The following AMER1 variants were observed in gnomAD, a reference collection of about 807,000 sequenced individuals.
The protein encoded by AMER1 is APC membrane recruitment protein 1, also known as RP11-403E24.2.
In AMER1, 16 loss-of-function variants were observed where a neutral mutation model predicts 53.0. The ratio of observed to expected loss-of-function variants is 0.30; its 90% CI spans 0.20 to 0.46. The LOEUF (loss-of-function observed/expected upper bound fraction) is 0.46. Among genes scored for constraint, AMER1 ranks in the 20% least tolerant of loss-of-function variants. The pLI is 1.00. For synonymous variants in AMER1, 354 were observed against 331.9 expected (o/e 1.07, Z -0.73); for missense variants, 947 against 884.9 (o/e 1.07, Z -0.89).
chrX:64,195,770 C>T (rs963101050), intron 1 of AMER1, among the ~76,000 whole-genome samples: 8 of 112,397 alleles, frequency 7.1e-5, no homozygotes, highest in East Asian at 5.6e-4. Context: ...GGTTGGGAAC[C>T]GCTGCCTTAA....
At chrX:64,203,697 A>G (rs1234862719) in intron 1 of AMER1, among the ~76,000 whole-genome samples, 1 of 111,677 alleles carries the variant, frequency 9.0e-6, no homozygotes, top group Non-Finnish European at 1.9e-5. Flanking sequence ...CTGAGGTTTG[A>G]GAAGGAAGAA....
In AMER1 at chrX:64,190,732, T is replaced by A. The variant is rs2147085816; in HGVS notation, c.2555A>T (p.Asn852Ile). 1 of 1,207,157 alleles carries A rather than the reference T, an allele frequency of 8.3e-7. No individual in the cohort carries two copies. The highest frequency in any genetic ancestry group is 1.8e-5 in the South Asian group (1 of 56,043). Residue 852 changes from asparagine (N) to isoleucine (I), a missense_variant, in exon 2 of 2, where the codon AAC becomes ATC. Coordinates refer to ENST00000374869, the MANE Select transcript of AMER1 (RefSeq NM_152424.4). ...ELGYYHKHAF[N>I]NYHSRFYQGL... ...TTGGTAGAATCGACTATGGTAGTTG[T>A]TGAAGGCATGTTTGTGATAGTAGCC...
rs2147083778 is a variant in AMER1, at chrX:64,189,871, G to A, written c.*8C>T. 9.7e-7 allele frequency: 1 copy of A among 1,026,360 alleles called. No homozygotes were observed. Among genetic ancestry groups the A allele is most frequent in the Non-Finnish European group, 1.3e-6 (1 of 786,253 alleles). 84.6% of individuals were successfully genotyped at this position (1,026,360 alleles called of 1,213,427 possible). A position where few individuals can be genotyped will look rare whatever the true frequency, so the allele number is the denominator to read the frequency against. Reference sequence around the variant, plus strand: ...GGCCCCGTGTCCCTACTCCAGAATTGATAATAACTACTTGGCTAGGTTTCC... The same window carrying A: ...GGCCCCGTGTCCCTACTCCAGAATTAATAATAACTACTTGGCTAGGTTTCC... On this transcript the variant is annotated 3_prime_UTR_variant, in exon 2 of 2. Transcript: ENST00000374869.
Position 64,188,847 on chromosome X carries a change from C to A in AMER1, c.*1032G>T. On this transcript the variant is annotated 3_prime_UTR_variant, in exon 2 of 2. Transcript: ENST00000374869. ...GTCAAGCCTAATTTAGGTTGCTTCT[C>A]TTCCCTTATCTCAATTAAAAGACCG... 1.2e-6 allele frequency: 1 copy of A among 807,157 alleles called. No homozygotes were observed. The highest frequency in any genetic ancestry group is 2.2e-5 in the African/African-American group (1 of 46,333). 66.5% of individuals were successfully genotyped at this position (807,157 alleles called of 1,213,427 possible).
In AMER1 at chrX:64,188,809, C is replaced by T; in HGVS notation, c.*1070G>A. The stretch of plus-strand genomic sequence containing the variant: ...TCTTTCCCCTACACTCCACAAAAAC[C>T]CCAGCCCCTATAGTCAAGCCTAATT... On this transcript the variant is annotated 3_prime_UTR_variant, in exon 2 of 2. Coordinates refer to ENST00000374869, the MANE Select transcript of AMER1 (RefSeq NM_152424.4). 1.2e-6 allele frequency: 1 copy of T among 805,942 alleles called. No individual in the cohort carries two copies. The highest frequency in any genetic ancestry group is 1.5e-6 in the Non-Finnish European group (1 of 671,101). The allele number at this position is 805,942 out of a possible 1,213,427, so 66.4% of individuals were successfully genotyped here.
At position 64,186,976 on chromosome X, in the gene AMER1, A is replaced by G. The variant is rs943012104; in HGVS notation, c.*2903T>C. 1 of 774,442 alleles carries G rather than the reference A, an allele frequency of 1.3e-6. No homozygotes were observed. Among genetic ancestry groups the G allele is most frequent in the Non-Finnish European group, 1.5e-6 (1 of 651,708 alleles). 63.8% of individuals were successfully genotyped at this position (774,442 alleles called of 1,213,427 possible). A position where few individuals can be genotyped will look rare whatever the true frequency, so the allele number is the denominator to read the frequency against. On this transcript the variant is annotated 3_prime_UTR_variant, in exon 2 of 2. Transcript: ENST00000374869. ...TCCACTAAGTCCCATTTTCCCTTAA[A>G]ATCACATCCAAAAGCATTATTCCAG...
intron 1 of AMER1, 47 bp from the exon 2 acceptor site, chrX:64,193,431 G>C (rs1930302588): frequency 1.1e-6 from 1 of 908,049 alleles, no homozygotes; most frequent in Non-Finnish European, 1.5e-6. Context: ...ATACTAGTGA[G>C]CAAGCATCCA....
rs767328843 is a variant in AMER1 at position 64,195,744 on chromosome X, T to A, written c.-98-2360A>T. Among the ~76,000 whole-genome samples the A allele has an allele frequency of 7.1e-5, 8 of 112,616 alleles. No homozygotes were observed. The South Asian group carries it at 3.0e-3, about 42-fold the overall frequency. The stretch of plus-strand genomic sequence containing the variant: ...GAAAAATTGTCTTCCATGAAACAGG[T>A]CCCTGGTTCCAAAAAGGTTGGGAAC... On this transcript the variant is annotated intron_variant, in intron 1 of 1. Transcript: ENST00000374869.
At chrX:64,203,805 G>A (rs916873334) in intron 1 of AMER1, among the ~76,000 whole-genome samples, 7 of 111,776 alleles carry the variant, frequency 6.3e-5, no homozygotes, top group Admixed American at 4.7e-4. Flanking sequence ...CAAGGCAGAG[G>A]GCAGGTCCAG....
At position 64,191,898 on chromosome X, in the gene AMER1, G is replaced by A. The variant is rs750657758; in HGVS notation, c.1389C>T (p.Ser463=). Residue 463 remains serine (S), a synonymous_variant, in exon 2 of 2, where the codon TCC becomes TCT. Coordinates refer to ENST00000374869, the MANE Select transcript of AMER1 (RefSeq NM_152424.4). ...AATAACCTTCATCACTATTGGGGGC[G>A]GATTCTTGCTGGTCACTCTGAGGAG... The part of the protein sequence containing the change: ...LLTPQSDQQE[S]APNSDEGYYD... 4.1e-6 allele frequency: 5 copies of A among 1,209,701 alleles called. No individual in the cohort carries two copies. Among genetic ancestry groups the A allele is most frequent in the South Asian group, 1.8e-5 (1 of 56,698 alleles).
intron 1 of AMER1, among the ~76,000 whole-genome samples, chrX:64,195,940 C>G (rs1285554823): frequency 1.8e-5 from 2 of 112,567 alleles, no homozygotes; most frequent in Admixed American, 1.9e-4. Context: ...ACTCTAGGAC[C>G]TACACATCCT....
At chrX:64,201,174 A>G in intron 1 of AMER1, among the ~76,000 whole-genome samples, 1 of 111,073 alleles carries the variant, frequency 9.0e-6, no homozygotes, top group Admixed American at 9.6e-5. Context: ...CCCTAATTCC[A>G]AAAGGGGAGG....
chrX:64,197,754 C>T (rs1422209491), intron 1 of AMER1, among the ~76,000 whole-genome samples: 6 of 112,136 alleles, frequency 5.4e-5, no homozygotes, highest in Non-Finnish European at 9.4e-5. Context: ...GCCATTTCAG[C>T]GCTGGAATCA....
Position 64,186,008 on chromosome X carries a change from A to G in AMER1, c.*3871T>C. ...TTTCAAAACTAAAGCACAAAACATA[A>G]CGAGGAAAAAAAATAAGACACATGA... On this transcript the variant is annotated 3_prime_UTR_variant, in exon 2 of 2. Coordinates refer to ENST00000374869, the MANE Select transcript of AMER1 (RefSeq NM_152424.4). 1.4e-6 allele frequency: 1 copy of G among 710,575 alleles called. No homozygotes were observed. Among genetic ancestry groups the G allele is most frequent in the Middle Eastern group, 3.2e-4 (1 of 3,130 alleles). 58.6% of individuals were successfully genotyped at this position (710,575 alleles called of 1,213,427 possible).
chrX:64,188,117 C>T lies in AMER1; in HGVS notation c.*1762G>A, dbSNP rs1930144254. The T allele has an allele frequency of 2.5e-6, 2 of 794,051 alleles. No homozygotes were observed. The highest frequency in any genetic ancestry group is 4.4e-5 in the African/African-American group (2 of 45,060). 65.4% of individuals were successfully genotyped at this position (794,051 alleles called of 1,213,427 possible). A position where few individuals can be genotyped will look rare whatever the true frequency, so the allele number is the denominator to read the frequency against. ...AGAAACAGTTTGCCCACAAAGTCAC[C>T]TTGACTTAGGGGGCAAACAGCATCT... is the stretch of plus-strand genomic sequence containing the variant. On this transcript the variant is annotated 3_prime_UTR_variant, in exon 2 of 2. Transcript: ENST00000374869.
intron 1 of AMER1, among the ~76,000 whole-genome samples, chrX:64,193,586 C>A (rs1482507208): frequency 8.9e-6 from 1 of 112,321 alleles, no homozygotes; most frequent in Non-Finnish European, 1.9e-5. Context: ...AAACTCTACA[C>A]TGAGCAACAA....
rs1207346280 is a variant in AMER1, at chrX:64,186,493, C to G, written c.*3386G>C. 14 of 783,785 alleles carry G rather than the reference C, an allele frequency of 1.8e-5. No homozygotes were observed. In the African/African-American group the frequency reaches 2.9e-4, roughly 16 times the overall value. The allele number at this position is 783,785 out of a possible 1,213,427, so 64.6% of individuals were successfully genotyped here. On this transcript the variant is annotated 3_prime_UTR_variant, in exon 2 of 2. Transcript: ENST00000374869. Reference sequence around the variant, plus strand: ...ACATACACATGGGTAAACTTGAAGTCTCCCTGCTAAACCCCATGCCTCCCT... The same window carrying G: ...ACATACACATGGGTAAACTTGAAGTGTCCCTGCTAAACCCCATGCCTCCCT...
chrX:64,187,693 G>C lies in AMER1; in HGVS notation c.*2186C>G, dbSNP rs1282281241. ...AGAGGCAAGAGGTGGGTTCTTCCCTGTTGTAAAGGCATTTGGTGAGTGTTT... is the reference window on the plus strand; with the variant it reads ...AGAGGCAAGAGGTGGGTTCTTCCCTCTTGTAAAGGCATTTGGTGAGTGTTT... On this transcript the variant is annotated 3_prime_UTR_variant, in exon 2 of 2. Transcript: ENST00000374869. 1 of 773,259 alleles carries C rather than the reference G, an allele frequency of 1.3e-6. No homozygotes were observed. Among genetic ancestry groups the C allele is most frequent in the African/African-American group, 2.3e-5 (1 of 43,811 alleles). 63.7% of individuals were successfully genotyped at this position (773,259 alleles called of 1,213,427 possible). A position where few individuals can be genotyped will look rare whatever the true frequency, so the allele number is the denominator to read the frequency against.
chrX:64,199,079 C>A lies in AMER1; in HGVS notation c.-98-5695G>T, dbSNP rs150478927. Among the ~76,000 whole-genome samples the A allele has an allele frequency of 4.2e-3, 467 of 112,203 alleles. 5 individuals carry two copies. Among genetic ancestry groups the A allele is most frequent in the Non-Finnish European group, 6.6e-3 (350 of 53,186 alleles). Reference sequence around the variant, plus strand: ...GATGCAGCTGGCAGAGCCCCTTCAGCTCCTCCCCTAATTTGCAGCCTTCCT... The same window carrying A: ...GATGCAGCTGGCAGAGCCCCTTCAGATCCTCCCCTAATTTGCAGCCTTCCT... On this transcript the variant is annotated intron_variant, in intron 1 of 1. Coordinates refer to ENST00000374869, the MANE Select transcript of AMER1 (RefSeq NM_152424.4).
Sources: gnomAD v4.1 joint callset for allele counts (sites outside exome capture counted in the v4.1 genomes callset) on GRCh38, gnomAD v4.1.1 for gene constraint, MANE v1.5 for transcripts, NCBI Gene and HGNC (gene_info 2026-07-23, HGNC 2026-07-21) for gene names.